Variants in INTS6 observed in about 807,000 individuals in gnomAD.
INTS6 encodes the protein integrator complex subunit 6, also known as DEAD box protein.
In INTS6, 16 loss-of-function variants were observed where a neutral mutation model predicts 104.9. That is an observed-to-expected ratio of 0.15 (90% CI 0.10 to 0.23). The LOEUF is 0.23. Among genes scored for constraint, INTS6 ranks in the 10% least tolerant of loss-of-function variants. INTS6 has a pLI of 1.00. For synonymous variants in INTS6, 324 were observed against 358.7 expected, an observed-to-expected ratio of 0.90 and a Z score of 1.09; for missense variants, 584 against 1,062.8, an observed-to-expected ratio of 0.55 and a Z score of 6.26.
In INTS6 at chr13:51,451,166, C is replaced by A; in HGVS notation, c.198G>T (p.Trp66Cys). 6.4e-7 allele frequency: 1 copy of A among 1,555,106 alleles called. No individual in the cohort carries two copies. Among genetic ancestry groups the A allele is most frequent in the Non-Finnish European group, 8.6e-7 (1 of 1,158,586 alleles). Residue 66 changes from tryptophan to cysteine, a missense_variant, in exon 3 of 18, where the codon TGG (tryptophan) becomes TGT (cysteine). This residue lies in a region of INTS6 where 70 missense variants were observed against 190.3 expected (regional missense o/e 0.37). Transcript: ENST00000311234. ...TCATAAACGTTGCATGGTTTTCTTT[C>A]CATCCAGCCTGAAAAGAAAAATGTA... The part of the protein sequence containing the change: ...EEPPYAIKAG[W>C]KENHATFMNE...
chr13:51,401,699 T>C (rs1593711323), intron 4 of INTS6, among the ~76,000 whole-genome samples: 1 of 152,158 alleles, frequency 6.6e-6, no homozygotes, highest in Non-Finnish European at 1.5e-5. Context: ...GGCACTATTA[T>C]AGTCCTCATT....
At chr13:51,451,805 A>G (rs1273109806) in intron 2 of INTS6, among the ~76,000 whole-genome samples, 173 bp downstream of exon 2, 3 of 148,058 alleles carry the variant, frequency 2.0e-5, no homozygotes, top group Admixed American at 1.3e-4. Flanking sequence ...CCGCGCTAGG[A>G]CGCTGCCGAG....
downstream of INTS6, among the ~76,000 whole-genome samples, chr13:51,351,233 T>G (rs952965951): frequency 7.2e-5 from 11 of 152,176 alleles, no homozygotes; most frequent in Non-Finnish European, 1.3e-4. Flanking sequence ...CAAACTGTTT[T>G]CCAAGTCACT....
chr13:51,441,273 A>G (rs1377787497), intron 3 of INTS6: 1 of 152,128 alleles, frequency 6.6e-6, no homozygotes, highest in Non-Finnish European at 1.5e-5. Flanking sequence ...GTACCCCATA[A>G]TTTCAATTTT....
intron 13 of INTS6, among the ~76,000 whole-genome samples, chr13:51,375,588 T>G (rs1337814497): frequency 6.6e-6 from 1 of 151,998 alleles, no homozygotes; most frequent in African/African-American, 2.4e-5. Context: ...TTATAGTAGG[T>G]GCCATGGATA....
intron 7 of INTS6, among the ~76,000 whole-genome samples, chr13:51,386,629 G>C (rs1253297851): frequency 6.6e-6 from 1 of 152,044 alleles, no homozygotes; most frequent in Non-Finnish European, 1.5e-5. Context: ...TTTCAAAAAG[G>C]TTTTGTTGTA....
At chr13:51,450,120 G>A (rs1456872888) in intron 3 of INTS6, 1 of 985,200 alleles carries the variant, frequency 1.0e-6, no homozygotes, top group Non-Finnish European at 1.2e-6. Flanking sequence ...TGGGACTTGG[G>A]AAAATACAAC....
At chr13:51,401,383 G>A (rs1039733817) in intron 4 of INTS6, among the ~76,000 whole-genome samples, 8 of 152,102 alleles carry the variant, frequency 5.3e-5, no homozygotes, top group African/African-American at 1.7e-4. Flanking sequence ...ATCTGTTTCA[G>A]AGCTGTATTT....
At chr13:51,373,120 T>C (rs1955845278) in intron 15 of INTS6, among the ~76,000 whole-genome samples, 1 of 152,022 alleles carries the variant, frequency 6.6e-6, no homozygotes. Flanking sequence ...TGGATTTTAC[T>C]AACGGTATCC....
chr13:51,348,534 T>G, the INTS6 span: 1 of 727,350 alleles, frequency 1.4e-6, no homozygotes, highest in Admixed American at 2.7e-5. Context: ...GTTTAATATG[T>G]ATCCCCAGAA....
intron 10 of INTS6, among the ~76,000 whole-genome samples, chr13:51,379,811 A>G (rs903812294): frequency 6.6e-6 from 1 of 152,134 alleles, no homozygotes. Flanking sequence ...AGGATAAGAT[A>G]CTGGTCTTCC....
chr13:51,353,854 C>T (rs761082840), downstream of INTS6, among the ~76,000 whole-genome samples: 12 of 152,044 alleles, frequency 7.9e-5, no homozygotes, highest in Non-Finnish European at 1.5e-4. Flanking sequence ...TAGAAAAAGA[C>T]CATCTAATTT....
rs192589731 is a variant in INTS6 at position 51,383,456 on chromosome 13, G to A, written c.1053C>T (p.Tyr351=). The A allele has an allele frequency of 3.5e-5, 57 of 1,612,060 alleles. No homozygotes were observed. In the East Asian group the frequency reaches 6.0e-4, roughly 17 times the overall value. Reference sequence around the variant, plus strand: ...CACTGTATTTTGCACTATTGCTCACGTACACCTGTTAAAAAGGAGCGGTTA... The same window carrying A: ...CACTGTATTTTGCACTATTGCTCACATACACCTGTTAAAAAGGAGCGGTTA... ...RKSPQTCWQV[Y]VSNSAKYSEL... The change falls in exon 9 of 18, where the codon TAC becomes TAT. Residue 351 remains tyrosine, a synonymous_variant. Transcript: ENST00000311234.
chr13:51,448,736 C>G (rs1952974906), intron 3 of INTS6: 2 of 152,158 alleles, frequency 1.3e-5, no homozygotes, highest in South Asian at 4.1e-4. Flanking sequence ...TTTAGATGTT[C>G]TATAAAATAT....
chr13:51,443,667 G>C (rs2138149802), intron 3 of INTS6: 1 of 152,218 alleles, frequency 6.6e-6, no homozygotes, highest in African/African-American at 2.4e-5. Context: ...AGACCAGCCT[G>C]GGTAACACAG....
At chr13:51,425,117 A>T (rs1410530973) in intron 4 of INTS6, among the ~76,000 whole-genome samples, 1 of 152,078 alleles carries the variant, frequency 6.6e-6, no homozygotes, top group Non-Finnish European at 1.5e-5. Context: ...ATCATTAAGA[A>T]TTAAATGCAC....
At chr13:51,426,574 T>C (rs1956988929) in intron 4 of INTS6, among the ~76,000 whole-genome samples, 1 of 151,484 alleles carries the variant, frequency 6.6e-6, no homozygotes, top group Admixed American at 6.6e-5. Context: ...ACACACTTAG[T>C]ATGTATCCTT....
intron 13 of INTS6, among the ~76,000 whole-genome samples, chr13:51,375,728 TAA>T (rs1261557953): frequency 1.4e-5 from 2 of 140,932 alleles, no homozygotes; most frequent in South Asian, 4.8e-4. Context: ...TACAGTTTGA[TAA>T]GTGGGTGTGT....
the INTS6 span, chr13:51,339,211 C>T: frequency 2.0e-5 from 3 of 152,214 alleles, no homozygotes; most frequent in Non-Finnish European, 2.9e-5. Flanking sequence ...CCGAACTGAT[C>T]GTGCCATATC....
Sources: allele counts gnomAD v4.1 joint callset (sites outside exome capture counted in the v4.1 genomes callset), GRCh38; gene constraint gnomAD v4.1.1; regional missense constraint gnomAD v4.1.1; transcripts MANE v1.5; gene names NCBI Gene and HGNC (gene_info 2026-07-23, HGNC 2026-07-21).